The following ELF2 variants were observed in gnomAD, a reference collection of about 807,000 sequenced individuals.
The protein encoded by ELF2 is ETS-related transcription factor Elf-2.
Under a neutral mutation model 54.8 loss-of-function variants are expected in ELF2, and 11 were observed. The observed-to-expected ratio is 0.20, with a 90% CI of 0.13 to 0.33. The LOEUF (loss-of-function observed/expected upper bound fraction) is 0.33, where lower values mean the gene tolerates loss of function less well. ELF2 is among the 10% of genes least tolerant of loss of function. The pLI is 1.00. For missense variants in ELF2, 513 were observed against 703.0 expected (o/e 0.73, Z 3.06); for synonymous variants, 203 against 245.1 (o/e 0.83, Z 1.61).
chr4:139,067,413 G>A (rs1319744809), intron 7 of ELF2: 2 of 380,162 alleles, frequency 5.3e-6, no homozygotes, highest in African/African-American at 2.0e-5. Context: ...TCTTAAGGAG[G>A]ATATGTATCA....
In ELF2 at chr4:139,115,272, G is replaced by A. The variant is rs1034945289; in HGVS notation, c.238+9892C>T. 5.8e-6 allele frequency: 9 copies of A among 1,559,326 alleles called. No homozygotes were observed. In the African/African-American group the frequency reaches 7.1e-5, roughly 12 times the overall value. On this transcript the variant is annotated intron_variant, in intron 4 of 9. Coordinates refer to ENST00000686138, the MANE Select transcript of ELF2 (RefSeq NM_001331036.3). Reference sequence around the variant, plus strand: ...CGCCCGGGCCCTCTCCTGCGGTCCCGGGGGGGGCTCTGAAAGTAGACGCGT... The same window carrying A: ...CGCCCGGGCCCTCTCCTGCGGTCCCAGGGGGGGCTCTGAAAGTAGACGCGT...
At chr4:139,125,723 T>C (rs1208384974) in intron 3 of ELF2, among the ~76,000 whole-genome samples, 2 of 149,856 alleles carry the variant, frequency 1.3e-5, no homozygotes, top group Non-Finnish European at 3.0e-5. Context: ...ACTGAAAGTG[T>C]CTGGATGAGT....
intron 5 of ELF2, 59 bp downstream of exon 5, chr4:139,073,395 T>C: frequency 7.9e-7 from 1 of 1,267,200 alleles, no homozygotes. Context: ...CAAAAAACTT[T>C]ATTTTAGACA....
chr4:139,161,271 G>T lies in ELF2; in HGVS notation c.-252+15696C>A, dbSNP rs139811165. Among the ~76,000 whole-genome samples the T allele has an allele frequency of 2.8e-3, 426 of 152,130 alleles. 1 individual carries two copies. The highest frequency in any genetic ancestry group is 1.0e-2 in the African/African-American group (415 of 41,520). On this transcript the variant is annotated intron_variant, in intron 1 of 9. Transcript: ENST00000686138. ...TAAATAAGCTGGTTTTAAATTTATT[G>T]ATGAAATAAAAATAGGAACATCTTC...
chr4:139,126,205 T>G (rs1248571185), intron 3 of ELF2, among the ~76,000 whole-genome samples: 4 of 152,074 alleles, frequency 2.6e-5, no homozygotes, highest in Non-Finnish European at 5.9e-5. Context: ...AATACAGGCT[T>G]GGAAGATAAA....
At chr4:139,098,003 A>T (rs1162843899) in intron 4 of ELF2, among the ~76,000 whole-genome samples, 1 of 152,228 alleles carries the variant, frequency 6.6e-6, no homozygotes, top group Non-Finnish European at 1.5e-5. Flanking sequence ...CCTGGCTGAA[A>T]TAACGTATTT....
intron 6 of ELF2, among the ~76,000 whole-genome samples, chr4:139,069,408 G>A (rs1343287556): frequency 1.3e-5 from 2 of 152,276 alleles, no homozygotes; most frequent in East Asian, 3.9e-4. Context: ...TTAGAATACA[G>A]CTTAATTACT....
chr4:139,092,414 T>TAACATAACATAACATAACATAACAA (rs70940488), intron 4 of ELF2, among the ~76,000 whole-genome samples: 1 of 87,762 alleles, frequency 1.1e-5, no homozygotes, highest in African/African-American at 4.3e-5. Context: ...TAACATAACA[T>TAACATAACATAACATAACATAACAA]ACATAACATA....
chr4:139,067,495 G>A (rs942045183), intron 7 of ELF2, 189 bp downstream of exon 7: 13 of 553,892 alleles, frequency 2.3e-5, no homozygotes, highest in Non-Finnish European at 3.5e-5. Flanking sequence ...TCTCTGTGGT[G>A]TAGGAACTGG....
chr4:139,108,298 C>T (rs766481421), intron 4 of ELF2, among the ~76,000 whole-genome samples: 2 of 152,018 alleles, frequency 1.3e-5, no homozygotes, highest in Non-Finnish European at 2.9e-5. Flanking sequence ...TGAGGAAACT[C>T]GTACTAACAG....
rs1229782108 is a variant in ELF2 at position 139,058,078 on chromosome 4, G to C, written c.*905C>G. 2.0e-5 allele frequency: 3 copies of C among 152,444 alleles called. No homozygotes were observed. The allele number at this position is 152,444 out of a possible 1,614,324, so 9.4% of individuals were successfully genotyped here. A position where few individuals can be genotyped will look rare whatever the true frequency, so the allele number is the denominator to read the frequency against. ...CCTGCCAAAAATTCATGCTGAGCCT[G>C]AACTTCCAAGTGACAGCAGAACTGA... On this transcript the variant is annotated 3_prime_UTR_variant, in exon 10 of 10. Coordinates refer to ENST00000686138, the MANE Select transcript of ELF2 (RefSeq NM_001331036.3).
chr4:139,114,561 T>TCCAGTCTCACACACTCACACA (rs70940492), intron 4 of ELF2, among the ~76,000 whole-genome samples: 1 of 108,636 alleles, frequency 9.2e-6, no homozygotes, highest in Admixed American at 1.2e-4. Flanking sequence ...GACTTCAGTC[T>TCCAGTCTCACACACTCACACA]CACACACACA....
intron 3 of ELF2, among the ~76,000 whole-genome samples, chr4:139,132,841 C>CATAT (rs58765596): frequency 0.037 from 4,203 of 114,696 alleles, 75 homozygotes; most frequent in Non-Finnish European, 0.047. Flanking sequence ...TATTACTTTA[C>CATAT]ATATATATAT....
At chr4:139,116,512 ATAT>A in intron 4 of ELF2, 1 of 245,988 alleles carries the variant, frequency 4.1e-6, no homozygotes, top group Non-Finnish European at 6.5e-6. Flanking sequence ...TGGAGGAAAA[ATAT>A]TATCGTATTA....
At chr4:139,088,713 C>T (rs1410293668) in intron 4 of ELF2, among the ~76,000 whole-genome samples, 1 of 152,118 alleles carries the variant, frequency 6.6e-6, no homozygotes, top group Non-Finnish European at 1.5e-5. Flanking sequence ...TGGTATTATC[C>T]CCCCACTAGG....
At chr4:139,084,407 C>T in intron 4 of ELF2, 2 of 1,397,976 alleles carry the variant, frequency 1.4e-6, no homozygotes, top group Admixed American at 2.6e-5. Flanking sequence ...ACCCCACCAC[C>T]TAACGGCAGG....
At chr4:139,153,787 T>TCACCCAAACAA (rs1375940455) in intron 1 of ELF2, among the ~76,000 whole-genome samples, 2 of 152,198 alleles carry the variant, frequency 1.3e-5, no homozygotes, top group African/African-American at 4.8e-5. Flanking sequence ...AAAGGCATAC[T>TCACCCAAACAA]TGACTGATTC....
intron 4 of ELF2, among the ~76,000 whole-genome samples, chr4:139,120,442 T>C (rs1051312333): frequency 1.3e-5 from 2 of 152,060 alleles, no homozygotes; most frequent in Non-Finnish European, 2.9e-5. Flanking sequence ...AATTGCATGG[T>C]ACTTTCTTTT....
intron 1 of ELF2, among the ~76,000 whole-genome samples, chr4:139,160,744 C>T (rs1256735711): frequency 6.6e-6 from 1 of 152,130 alleles, no homozygotes; most frequent in African/African-American, 2.4e-5. Flanking sequence ...GGGTGGATCA[C>T]TTGAGATCGG....
Sources: allele counts gnomAD v4.1 joint callset (sites outside exome capture counted in the v4.1 genomes callset), GRCh38; gene constraint gnomAD v4.1.1; transcripts MANE v1.5; gene names NCBI Gene and HGNC (gene_info 2026-07-23, HGNC 2026-07-21).